PPFIA2: variants seen among roughly 807,000 people sequenced by gnomAD.
PPFIA2 encodes the protein PPFI scaffold protein A2.
Under a neutral mutation model 175.5 loss-of-function variants are expected in PPFIA2, and 46 were observed. The observed-to-expected ratio is 0.26, with a 90% CI of 0.21 to 0.34. The LOEUF is 0.34. PPFIA2 is among the 10% of genes least tolerant of loss of function. The probability of loss-of-function intolerance (pLI) is 1.00; values close to 1 mark genes in which losing one functional copy is unlikely to be tolerated. For missense variants in PPFIA2, 1,179 were observed against 1,506.1 expected (o/e 0.78, Z 3.60); for synonymous variants, 568 against 511.4 (o/e 1.11, Z -1.49).
chr12:81,348,700 C>T (rs2059494975), intron 17 of PPFIA2, among the ~76,000 whole-genome samples: 1 of 152,152 alleles, frequency 6.6e-6, no homozygotes, highest in Non-Finnish European at 1.5e-5. Flanking sequence ...AGCGCCACTG[C>T]ACTCCAGCCT....
At chr12:81,575,775 C>T (rs999306687) in intron 4 of PPFIA2, among the ~76,000 whole-genome samples, 3 of 151,432 alleles carry the variant, frequency 2.0e-5, no homozygotes, top group Non-Finnish European at 3.0e-5. Context: ...GTAAGTATCA[C>T]GAAATAAGAG....
chr12:81,294,748 G>T, intron 24 of PPFIA2, 87 bp downstream of exon 24: 1 of 1,206,664 alleles, frequency 8.3e-7, no homozygotes, highest in Non-Finnish European at 1.2e-6. Context: ...ACATTGAAAT[G>T]TGTGCTGTCA....
chr12:81,663,475 C>G (rs1392325579), intron 4 of PPFIA2, among the ~76,000 whole-genome samples: 2 of 152,164 alleles, frequency 1.3e-5, no homozygotes, highest in Non-Finnish European at 2.9e-5. Flanking sequence ...AGGAATCCAA[C>G]TTACAATGGA....
At chr12:81,757,709 A>G (rs2084903177) in intron 2 of PPFIA2, among the ~76,000 whole-genome samples, 1 of 152,160 alleles carries the variant, frequency 6.6e-6, no homozygotes, top group African/African-American at 2.4e-5. Flanking sequence ...TCAAGATCCA[A>G]TGTGTTCCTT....
rs1268699567 is a variant in PPFIA2, at chr12:81,353,236, T to C, written c.1877A>G (p.Asp626Gly). ...TGAGCTAAAAATTGTTTCTCTGTCA[T>C]CATCATCAATATCAGACATTTCAGT... ...SDTEMSDIDD[D>G]DRETIFSSMD... is the part of the protein sequence containing the mutation. Residue 626 changes from aspartate (D) to glycine (G), a missense_variant, in exon 17 of 33, where the codon GAT (aspartate) becomes GGT (glycine). This residue lies in a region of PPFIA2 where 186 missense variants were observed against 163.6 expected (regional missense o/e 1.14). Transcript: ENST00000549396. The C allele has an allele frequency of 1.3e-5, 21 of 1,613,668 alleles. No individual in the cohort carries two copies. Among genetic ancestry groups the C allele is most frequent in the Non-Finnish European group, 1.8e-5 (21 of 1,179,782 alleles).
chr12:81,600,875 T>C (rs1314998072), intron 4 of PPFIA2, among the ~76,000 whole-genome samples: 2 of 151,984 alleles, frequency 1.3e-5, no homozygotes, highest in Non-Finnish European at 2.9e-5. Context: ...ATAAACTCCA[T>C]GTACTTTTAT....
chr12:81,453,102 G>A (rs918506439), intron 5 of PPFIA2, among the ~76,000 whole-genome samples: 12 of 149,266 alleles, frequency 8.0e-5, no homozygotes, highest in Admixed American at 1.3e-4. Flanking sequence ...CCACTAACTC[G>A]TCATCTAGCA....
At chr12:81,639,860 G>A (rs2064712195) in intron 4 of PPFIA2, among the ~76,000 whole-genome samples, 1 of 152,090 alleles carries the variant, frequency 6.6e-6, no homozygotes, top group Non-Finnish European at 1.5e-5. Context: ...GCCCTATGGT[G>A]AGCCATACAG....
intron 4 of PPFIA2, among the ~76,000 whole-genome samples, chr12:81,589,825 A>T (rs1376192894): frequency 6.6e-6 from 1 of 152,030 alleles, no homozygotes; most frequent in Non-Finnish European, 1.5e-5. Context: ...TTTAAAAGCT[A>T]CTGAATTGTT....
chr12:81,732,202 A>G (rs556367074), intron 3 of PPFIA2, among the ~76,000 whole-genome samples: 7 of 151,746 alleles, frequency 4.6e-5, no homozygotes, highest in African/African-American at 1.7e-4. Flanking sequence ...AAATATAAAA[A>G]TGGACAAATG....
At chr12:81,344,775 T>G in intron 18 of PPFIA2, 82 bp from the exon 19 acceptor site, 2 of 955,748 alleles carry the variant, frequency 2.1e-6, no homozygotes, top group Non-Finnish European at 3.1e-6. Flanking sequence ...TTTTAAATAG[T>G]GTCTACAACT....
intron 4 of PPFIA2, among the ~76,000 whole-genome samples, chr12:81,491,533 G>A (rs2059417548): frequency 6.6e-6 from 1 of 151,830 alleles, no homozygotes; most frequent in Non-Finnish European, 1.5e-5. Flanking sequence ...GCCTTTGGGA[G>A]GTAATTACTG....
chr12:81,478,398 G>C (rs538702626), intron 4 of PPFIA2, among the ~76,000 whole-genome samples: 2 of 151,758 alleles, frequency 1.3e-5, no homozygotes, highest in East Asian at 3.9e-4. Context: ...AGGATTTTAC[G>C]TCTCTATCCC....
At chr12:81,721,391 T>A (rs2079311051) in intron 3 of PPFIA2, among the ~76,000 whole-genome samples, 2 of 151,284 alleles carry the variant, frequency 1.3e-5, no homozygotes, top group Admixed American at 1.3e-4. Context: ...ATTTTTTCTA[T>A]ATCTGGTAGA....
At chr12:81,649,546 A>T (rs1022555033) in intron 4 of PPFIA2, among the ~76,000 whole-genome samples, 4 of 152,190 alleles carry the variant, frequency 2.6e-5, no homozygotes, top group Non-Finnish European at 4.4e-5. Context: ...GAAAACATAG[A>T]AATTCTACTT....
At chr12:81,312,980 A>C (rs1304819821) in intron 22 of PPFIA2, among the ~76,000 whole-genome samples, 1 of 152,028 alleles carries the variant, frequency 6.6e-6, no homozygotes, top group East Asian at 1.9e-4. Flanking sequence ...TGGCTCTTTC[A>C]GTGGTAGAAA....
chr12:81,445,474 G>T, intron 6 of PPFIA2, 82 bp downstream of exon 6: 3 of 1,347,032 alleles, frequency 2.2e-6, no homozygotes, highest in Non-Finnish European at 2.0e-6. Context: ...TTAGGAGTCA[G>T]GTGAGTCAAT....
intron 4 of PPFIA2, among the ~76,000 whole-genome samples, chr12:81,495,249 T>G (rs1353627066): frequency 5.3e-5 from 8 of 152,166 alleles, no homozygotes; most frequent in African/African-American, 1.9e-4. Context: ...TTTACCTGAA[T>G]GCCAAGTATG....
At chr12:81,457,433 C>T (rs2053782429) in intron 5 of PPFIA2, among the ~76,000 whole-genome samples, 2 of 152,032 alleles carry the variant, frequency 1.3e-5, no homozygotes, top group Non-Finnish European at 2.9e-5. Flanking sequence ...TGAGGGATTA[C>T]CCTACCCCCA....
Sources: allele counts gnomAD v4.1 joint callset (sites outside exome capture counted in the v4.1 genomes callset), GRCh38; gene constraint gnomAD v4.1.1; regional missense constraint gnomAD v4.1.1; transcripts MANE v1.5; gene names NCBI Gene and HGNC (gene_info 2026-07-23, HGNC 2026-07-21).